PRTFDC1: variants seen among roughly 807,000 people sequenced by gnomAD.
PRTFDC1 encodes the protein phosphoribosyl transferase domain containing 1.
A neutral mutation model predicts 34.6 loss-of-function variants in PRTFDC1; 38 were observed. That is an observed-to-expected ratio of 1.10 (90% confidence interval 0.85 to 1.44). The LOEUF (loss-of-function observed/expected upper bound fraction) is 1.44. Among genes scored for constraint, PRTFDC1 ranks in the 40% most tolerant of loss-of-function variants. The probability of loss-of-function intolerance (pLI) is 0.00; values close to 1 mark genes in which losing one functional copy is unlikely to be tolerated. For synonymous variants in PRTFDC1, 93 were observed against 98.1 expected, an observed-to-expected ratio of 0.95 and a Z score of 0.31; for missense variants, 270 against 283.0, an observed-to-expected ratio of 0.95 and a Z score of 0.33.
At chr10:24,855,742 C>A (rs1023973398) in intron 6 of PRTFDC1, among the ~76,000 whole-genome samples, 2 of 151,694 alleles carry the variant, frequency 1.3e-5, no homozygotes, top group Non-Finnish European at 2.9e-5. Context: ...CTGCAGTGAG[C>A]CTTGATTGCA....
intron 3 of PRTFDC1, among the ~76,000 whole-genome samples, chr10:24,914,579 T>C (rs1296368647): frequency 1.3e-5 from 2 of 152,176 alleles, no homozygotes; most frequent in Admixed American, 6.5e-5. Flanking sequence ...GGTGTGATAT[T>C]ATCTTAACCT....
At chr10:24,858,486 T>G (rs1160756740) in intron 4 of PRTFDC1, 77 bp from the exon 5 acceptor site, 1 of 1,475,522 alleles carries the variant, frequency 6.8e-7, no homozygotes, top group African/African-American at 1.4e-5. Flanking sequence ...TTTTTGCTTA[T>G]AGTTAGAATT....
chr10:24,934,129 A>G (rs899126205), intron 3 of PRTFDC1, among the ~76,000 whole-genome samples: 1 of 152,120 alleles, frequency 6.6e-6, no homozygotes, highest in Non-Finnish European at 1.5e-5. Context: ...AATTGCTTCA[A>G]AATAGAAACA....
chr10:24,884,478 T>C (rs1848131661), intron 3 of PRTFDC1, among the ~76,000 whole-genome samples: 1 of 152,220 alleles, frequency 6.6e-6, no homozygotes, highest in African/African-American at 2.4e-5. Flanking sequence ...AAGATTCCCA[T>C]GCCTGCAAAA....
At chr10:24,948,232 G>C (rs776232422) in intron 1 of PRTFDC1, among the ~76,000 whole-genome samples, 1 of 152,220 alleles carries the variant, frequency 6.6e-6, no homozygotes, top group African/African-American at 2.4e-5. Context: ...AACTCACTTA[G>C]GTAAGTACTA....
intron 3 of PRTFDC1, among the ~76,000 whole-genome samples, chr10:24,906,355 T>C (rs1848534947): frequency 6.6e-6 from 1 of 152,158 alleles, no homozygotes; most frequent in African/African-American, 2.4e-5. Flanking sequence ...CCAGCTACTC[T>C]CTGAGGTCAA....
intron 1 of PRTFDC1, among the ~76,000 whole-genome samples, chr10:24,947,817 A>G (rs1424487720): frequency 6.6e-6 from 1 of 151,974 alleles, no homozygotes; most frequent in Non-Finnish European, 1.5e-5. Context: ...CTTCACTCTA[A>G]TTCAAAGAAT....
At chr10:24,859,766 T>C (rs1174493731) in intron 4 of PRTFDC1, among the ~76,000 whole-genome samples, 2 of 152,246 alleles carry the variant, frequency 1.3e-5, no homozygotes, top group Admixed American at 6.5e-5. Flanking sequence ...TCTTCCCCAC[T>C]ATATTCTAAT....
At chr10:24,883,103 A>G (rs1302603838) in intron 3 of PRTFDC1, among the ~76,000 whole-genome samples, 2 of 148,294 alleles carry the variant, frequency 1.3e-5, no homozygotes, top group Non-Finnish European at 3.0e-5. Context: ...ATATAAATAT[A>G]AATGTATTAT....
chr10:24,858,473 A>T, intron 4 of PRTFDC1, 64 bp from the exon 5 acceptor site: 1 of 1,542,968 alleles, frequency 6.5e-7, no homozygotes, highest in Non-Finnish European at 8.9e-7. Flanking sequence ...ATACATACAC[A>T]TTTTTTTGCT....
intron 3 of PRTFDC1, among the ~76,000 whole-genome samples, chr10:24,909,444 G>A (rs536098361): frequency 3.9e-5 from 6 of 152,250 alleles, no homozygotes; most frequent in Non-Finnish European, 7.4e-5. Context: ...TCCTTTACTA[G>A]GCTATGGATC....
At chr10:24,932,389 T>G (rs115262024) in intron 3 of PRTFDC1, among the ~76,000 whole-genome samples, 3,952 of 152,008 alleles carry the variant, frequency 0.026, 160 homozygotes, top group African/African-American at 0.09. Flanking sequence ...GAAATTATTA[T>G]CTTCATAGAA....
intron 6 of PRTFDC1, among the ~76,000 whole-genome samples, 160 bp from the exon 7 acceptor site, chr10:24,855,524 G>A (rs1004063732): frequency 6.6e-6 from 1 of 152,214 alleles, no homozygotes; most frequent in African/African-American, 2.4e-5. Context: ...GTCAGGCACA[G>A]TGCTTACATC....
At chr10:24,916,021 C>G (rs1327171430) in intron 3 of PRTFDC1, among the ~76,000 whole-genome samples, 1 of 152,184 alleles carries the variant, frequency 6.6e-6, no homozygotes, top group East Asian at 1.9e-4. Context: ...AAACCACACC[C>G]CTGGTTTCCT....
intron 6 of PRTFDC1, 45 bp from the exon 7 acceptor site, chr10:24,855,409 T>G: frequency 1.3e-6 from 2 of 1,596,048 alleles, no homozygotes; most frequent in Non-Finnish European, 1.7e-6. Context: ...ATCAAATCTC[T>G]ATGAATTGTA....
At chr10:24,920,963 T>C (rs2132583093) in intron 3 of PRTFDC1, among the ~76,000 whole-genome samples, 1 of 152,238 alleles carries the variant, frequency 6.6e-6, no homozygotes, top group African/African-American at 2.4e-5. Flanking sequence ...AATGGTATTC[T>C]GTTTTGCAGA....
chr10:24,947,766 C>T (rs2132622465), intron 1 of PRTFDC1, among the ~76,000 whole-genome samples: 1 of 152,182 alleles, frequency 6.6e-6, no homozygotes, highest in East Asian at 1.9e-4. Context: ...GGCCATAGCT[C>T]TCATCTGTCC....
chr10:24,933,693 AT>A (rs71399941), intron 3 of PRTFDC1, among the ~76,000 whole-genome samples: 71,487 of 135,886 alleles, frequency 0.53, 20,627 homozygotes, highest in Non-Finnish European at 0.7. Context: ...GAGTTTGGCA[AT>A]TTTTTTTTTT....
intron 3 of PRTFDC1, among the ~76,000 whole-genome samples, chr10:24,926,201 C>A (rs1021885390): frequency 1.3e-5 from 2 of 152,164 alleles, no homozygotes; most frequent in African/African-American, 4.8e-5. Flanking sequence ...ATGCTCTTAC[C>A]TGTGAAACTT....
Sources: gnomAD v4.1 joint callset for allele counts (sites outside exome capture counted in the v4.1 genomes callset) on GRCh38, gnomAD v4.1.1 for gene constraint, MANE v1.5 for transcripts, NCBI Gene and HGNC (gene_info 2026-07-23, HGNC 2026-07-21) for gene names.